Variants in ACO2 observed in about 807,000 individuals in gnomAD.
ACO2 encodes the protein aconitate hydratase, mitochondrial.
In ACO2, 31 loss-of-function variants were observed where a neutral mutation model predicts 84.5. The ratio of observed to expected loss-of-function variants is 0.37; its 90% CI spans 0.28 to 0.50. ACO2 has a LOEUF of 0.50. Among genes scored for constraint, ACO2 ranks in the 20% least tolerant of loss-of-function variants. The pLI, the probability that ACO2 is intolerant of heterozygous loss-of-function variation, is 0.97. For synonymous variants in ACO2, 414 were observed against 412.7 expected (o/e 1.00, Z -0.04); for missense variants, 685 against 1,029.3 (o/e 0.67, Z 4.58).
intron 12 of ACO2, 122 bp downstream of exon 12, chr22:41,524,063 C>T: frequency 1.2e-6 from 1 of 801,086 alleles, no homozygotes; most frequent in South Asian, 1.5e-5. Context: ...AGCTACAGGC[C>T]TTCCCAGCCT....
In ACO2 at chr22:41,522,987, T is replaced by C; in HGVS notation, c.1296T>C (p.Tyr432=). Residue 432 remains tyrosine (Y), a splice_region_variant and synonymous_variant, in exon 10 of 18, where the codon TAT becomes TAC. Transcript: ENST00000216254. ...QIRATIERDG[Y]AQILRDLGGI... ...GCGCCACCATTGAGCGGGACGGCTA[T>C]GTGAGTGCCCATATCCCCCTGCCCA... 6.2e-7 allele frequency: 1 copy of C among 1,614,118 alleles called. No homozygotes were observed. The highest frequency in any genetic ancestry group is 8.5e-7 in the Non-Finnish European group (1 of 1,180,000).
At chr22:41,471,295 G>C (rs2037943540) in intron 1 of ACO2, among the ~76,000 whole-genome samples, 1 of 152,192 alleles carries the variant, frequency 6.6e-6, no homozygotes, top group Non-Finnish European at 1.5e-5. Flanking sequence ...CTCCTTGTTT[G>C]TTCCTTCAGC....
At chr22:41,473,989 G>T (rs138569023) in intron 1 of ACO2, among the ~76,000 whole-genome samples, 96 of 152,234 alleles carry the variant, frequency 6.3e-4, no homozygotes, top group Non-Finnish European at 1.2e-3. Context: ...TTAAGCCAGG[G>T]AGTGATGTGA....
At chr22:41,501,579 C>T (rs1227091397) in intron 2 of ACO2, among the ~76,000 whole-genome samples, 1 of 152,208 alleles carries the variant, frequency 6.6e-6, no homozygotes, top group Non-Finnish European at 1.5e-5. Flanking sequence ...GCAGATGGGG[C>T]TGTGCCCTTG....
intron 1 of ACO2, among the ~76,000 whole-genome samples, chr22:41,488,496 C>G (rs1363779774): frequency 6.6e-6 from 1 of 152,206 alleles, no homozygotes; most frequent in Non-Finnish European, 1.5e-5. Flanking sequence ...GTGAGGTAGA[C>G]TACAGGGATC....
rs773229850 is a variant in ACO2, at chr22:41,507,798, C to T, written c.181C>T (p.Arg61Trp). The T allele has an allele frequency of 8.1e-6, 13 of 1,613,360 alleles. No individual in the cohort carries two copies. The highest frequency in any genetic ancestry group is 4.4e-5 in the South Asian group (4 of 91,010). ...NINIVRKRLNRPLTLSEKIVY... is the reference protein window; with the variant it reads ...NINIVRKRLNWPLTLSEKIVY... The stretch of plus-strand genomic sequence containing the variant: ...CTGCTCTTCTCCCCACAGACTGAAC[C>T]GGCCGCTGACACTCTCGGAGAAGAT... Residue 61 changes from arginine to tryptophan, a missense_variant, in exon 3 of 18, where the codon CGG (arginine) becomes TGG (tryptophan). By Grantham distance (101) the Arg-to-Trp change is moderately radical. Transcript: ENST00000216254.
At position 41,523,818 on chromosome 22, in the gene ACO2, C is replaced by G. The variant is rs1354683926; in HGVS notation, c.1371-12C>G. The G allele has an allele frequency of 1.1e-5, 17 of 1,610,058 alleles. No individual in the cohort carries two copies. Among genetic ancestry groups the G allele is most frequent in the Non-Finnish European group, 1.4e-5 (17 of 1,178,280 alleles). On this transcript the variant is annotated splice_polypyrimidine_tract_variant and intron_variant, in intron 11 of 17. Coordinates refer to ENST00000216254, the MANE Select transcript of ACO2 (RefSeq NM_001098.3). ...CCAGATATCCCTAACCCTGATCCCT[C>G]TGACCTGGCAGGAAGGACATCAAGA...
In ACO2 at chr22:41,522,836, T is replaced by C; in HGVS notation, c.1145T>C (p.Ile382Thr). 1 of 1,614,202 alleles carries C rather than the reference T, an allele frequency of 6.2e-7. No individual in the cohort carries two copies. Among genetic ancestry groups the C allele is most frequent in the South Asian group, 1.1e-5 (1 of 91,084 alleles). ...GWPLDIRVGL[I>T]GSCTNSSYED... ...ACCACCCACAATGCACCAGGTCTAA[T>C]TGGTAGCTGCACCAATTCAAGCTAT... Residue 382 changes from isoleucine (I) to threonine (T), a missense_variant, in exon 10 of 18, where the codon ATT becomes ACT. By Grantham distance (89) the Ile-to-Thr change is moderately conservative. Transcript: ENST00000216254.
In ACO2 at chr22:41,526,427, G is replaced by A. The variant is rs387907390; in HGVS notation, c.1927G>A (p.Val643Ile). Residue 643 changes from valine to isoleucine, a missense_variant, in exon 15 of 18, where the codon GTC becomes ATC. This residue lies in a region of ACO2 where 174 missense variants were observed against 236.6 expected (regional missense o/e 0.74). Transcript: ENST00000216254. ...TGCCGTCACTCAGGAGTTTGGCCCC[G>A]TCCCTGACACTGCCCGCTACTACAA... Reference protein sequence around the residue: ...RNAVTQEFGPVPDTARYYKKH... With the variant: ...RNAVTQEFGPIPDTARYYKKH... 22 of 1,613,350 alleles carry A rather than the reference G, an allele frequency of 1.4e-5. No individual in the cohort carries two copies. The highest frequency in any genetic ancestry group is 4.0e-5 in the African/African-American group (3 of 74,924).
intron 1 of ACO2, among the ~76,000 whole-genome samples, chr22:41,492,088 C>T (rs979055013): frequency 1.3e-5 from 2 of 152,208 alleles, no homozygotes; most frequent in Non-Finnish European, 2.9e-5. Context: ...CCAGTTTCCA[C>T]ATCTGTGAGA....
At chr22:41,521,887 T>G (rs1601924607) in intron 9 of ACO2, among the ~76,000 whole-genome samples, 1 of 151,850 alleles carries the variant, frequency 6.6e-6, no homozygotes, top group Non-Finnish European at 1.5e-5. Flanking sequence ...CAGTTCTGCC[T>G]CAGCCTCCCG....
At chr22:41,502,895 C>T (rs1361586816) in intron 2 of ACO2, among the ~76,000 whole-genome samples, 1 of 152,062 alleles carries the variant, frequency 6.6e-6, no homozygotes, top group Non-Finnish European at 1.5e-5. Flanking sequence ...CAGGTGTGAG[C>T]CACTGCGCCT....
intron 1 of ACO2, among the ~76,000 whole-genome samples, chr22:41,474,933 A>G (rs1192961324): frequency 6.6e-6 from 1 of 152,038 alleles, no homozygotes; most frequent in African/African-American, 2.4e-5. Context: ...TAAGGGCAGA[A>G]TCTCATTGAT....
At chr22:41,523,527 C>T (rs1952817909) in intron 11 of ACO2, among the ~76,000 whole-genome samples, 1 of 152,238 alleles carries the variant, frequency 6.6e-6, no homozygotes, top group Non-Finnish European at 1.5e-5. Flanking sequence ...CCAGCGCGGC[C>T]TCACCCTGAC....
chr22:41,505,653 G>A (rs1001131793), intron 2 of ACO2, among the ~76,000 whole-genome samples: 14 of 152,076 alleles, frequency 9.2e-5, no homozygotes, highest in African/African-American at 3.1e-4. Flanking sequence ...TGTGCTGTGA[G>A]GATAAAATGA....
intron 1 of ACO2, among the ~76,000 whole-genome samples, chr22:41,495,061 C>G (rs1249948807): frequency 4.6e-5 from 7 of 151,736 alleles, no homozygotes; most frequent in Non-Finnish European, 8.8e-5. Flanking sequence ...AGGTCTTGCT[C>G]TGTTGCCCAG....
intron 1 of ACO2, among the ~76,000 whole-genome samples, chr22:41,494,348 A>T (rs917174606): frequency 6.6e-6 from 1 of 151,784 alleles, no homozygotes; most frequent in Non-Finnish European, 1.5e-5. Context: ...GGTGCGTCAC[A>T]CTGTGCTTGT....
intron 12 of ACO2, 46 bp from the exon 13 acceptor site, chr22:41,524,800 G>C (rs371651724): frequency 5.0e-6 from 8 of 1,613,566 alleles, no homozygotes; most frequent in Non-Finnish European, 4.2e-6. Flanking sequence ...CAGGAGACAG[G>C]AGTGGCAATT....
intron 2 of ACO2, among the ~76,000 whole-genome samples, chr22:41,503,202 CCTTG>C (rs2066365865): frequency 6.6e-6 from 1 of 152,004 alleles, no homozygotes; most frequent in Non-Finnish European, 1.5e-5. Context: ...CAATATTTTT[CCTTG>C]CTTACTTTTA....
Sources: allele counts gnomAD v4.1 joint callset (sites outside exome capture counted in the v4.1 genomes callset), GRCh38; gene constraint gnomAD v4.1.1; regional missense constraint gnomAD v4.1.1; transcripts MANE v1.5; gene names NCBI Gene and HGNC (gene_info 2026-07-23, HGNC 2026-07-21).